SEC14L4: variants seen among roughly 807,000 people sequenced by gnomAD.
SEC14L4 encodes the protein SEC14 like lipid binding 4.
Under a neutral mutation model 55.1 loss-of-function variants are expected in SEC14L4, and 42 were observed. That is an observed-to-expected ratio of 0.76 (90% CI 0.60 to 0.99). SEC14L4 has a LOEUF of 0.99. SEC14L4 is among the 50% of genes least tolerant of loss of function. The pLI, the probability that SEC14L4 is intolerant of heterozygous loss-of-function variation, is 0.00. For missense variants in SEC14L4, 445 were observed against 512.1 expected (o/e 0.87, Z 1.27); for synonymous variants, 206 against 206.8 (o/e 1.00, Z 0.03).
At chr22:30,495,841 G>A in intron 3 of SEC14L4, 87 bp downstream of exon 3, 2 of 1,590,304 alleles carry the variant, frequency 1.3e-6, no homozygotes, top group East Asian at 2.2e-5. Context: ...AGGAGAATGG[G>A]ACAGGGCCAG....
chr22:30,495,172 G>C (rs576915578), intron 5 of SEC14L4, 82 bp downstream of exon 5: 5 of 1,340,416 alleles, frequency 3.7e-6, no homozygotes, highest in African/African-American at 1.5e-5. Context: ...CTGAGGGCTG[G>C]GGAGGGGCAG....
rs1390952972 is a variant in SEC14L4 at position 30,489,330 on chromosome 22, C to T, written c.*777G>A. 6.1e-6 allele frequency: 1 copy of T among 163,684 alleles called. No individual in the cohort carries two copies. Among genetic ancestry groups the T allele is most frequent in the Non-Finnish European group, 1.3e-5 (1 of 74,604 alleles). The allele number at this position is 163,684 out of a possible 1,614,324, so 10.1% of individuals were successfully genotyped here. On this transcript the variant is annotated 3_prime_UTR_variant, in exon 12 of 12. Transcript: ENST00000255858. ...TCTCAGCTCACTACAACCTCCGCCTCCTGGGTACAAGCGATTCTCCTGCCT... is the reference window on the plus strand; with the variant it reads ...TCTCAGCTCACTACAACCTCCGCCTTCTGGGTACAAGCGATTCTCCTGCCT...
At chr22:30,495,536 G>A (rs763933884) in intron 4 of SEC14L4, 47 bp downstream of exon 4, 1 of 1,611,350 alleles carries the variant, frequency 6.2e-7, no homozygotes, top group East Asian at 2.2e-5. Flanking sequence ...GGAGATGTCA[G>A]GGGTGAGGGG....
At position 30,505,653 on chromosome 22, in the gene SEC14L4, C is replaced by A; in HGVS notation, c.-42G>T. 6.6e-7 allele frequency: 1 copy of A among 1,505,156 alleles called. No individual in the cohort carries two copies. Among genetic ancestry groups the A allele is most frequent in the Non-Finnish European group, 8.9e-7 (1 of 1,128,076 alleles). 93.2% of individuals were successfully genotyped at this position (1,505,156 alleles called of 1,614,324 possible). On this transcript the variant is annotated 5_prime_UTR_variant, in exon 1 of 12. Transcript: ENST00000255858. ...GAAAGGCTCAGGGCGCAGGTCCGCC[C>A]GCCCGCCGCCGCCTGGCCTTGTATC...
intron 2 of SEC14L4, among the ~76,000 whole-genome samples, chr22:30,499,403 C>T (rs920954756): frequency 6.6e-6 from 1 of 151,172 alleles, no homozygotes. Context: ...TTCTTTATAT[C>T]TACATTCATA....
chr22:30,491,917 C>A lies in SEC14L4; in HGVS notation c.828G>T (p.Leu276=), dbSNP rs1416872665. The A allele has an allele frequency of 6.2e-7, 1 of 1,613,944 alleles. No homozygotes were observed. The highest frequency in any genetic ancestry group is 8.5e-7 in the Non-Finnish European group (1 of 1,180,014). The change falls in exon 10 of 12, where the codon CTG becomes CTT. Residue 276 remains leucine, a synonymous_variant. Coordinates refer to ENST00000255858, the MANE Select transcript of SEC14L4 (RefSeq NM_174977.4). ...KSYYLCEQVR[L]QYEHTRSVGR... Reference sequence around the variant, plus strand: ...CCACGGACCTCGTGTGCTCATACTGCAGCCTCACCTGCTCGCACAGGTAGT... The same window carrying A: ...CCACGGACCTCGTGTGCTCATACTGAAGCCTCACCTGCTCGCACAGGTAGT...
intron 8 of SEC14L4, 74 bp downstream of exon 8, chr22:30,492,400 G>A: frequency 7.1e-7 from 1 of 1,399,246 alleles, no homozygotes; most frequent in South Asian, 1.2e-5. Context: ...GACGAGCCAG[G>A]GAGAAGCAGG....
At chr22:30,494,259 G>A (rs937032249) in intron 6 of SEC14L4, 49 bp from the exon 7 acceptor site, 33 of 1,470,022 alleles carry the variant, frequency 2.2e-5, no homozygotes, top group Admixed American at 6.7e-5. Flanking sequence ...ATCACCTCCC[G>A]CCCATGGGTT....
At chr22:30,500,626 A>G (rs1936288360) in intron 2 of SEC14L4, among the ~76,000 whole-genome samples, 1 of 151,942 alleles carries the variant, frequency 6.6e-6, no homozygotes, top group Non-Finnish European at 1.5e-5. Context: ...TCAGCCTCCC[A>G]AAGTGCCAGG....
At position 30,495,325 on chromosome 22, in the gene SEC14L4, G is replaced by A. The variant is rs1289036557; in HGVS notation, c.352C>T (p.Gln118Ter). 11 of 1,614,040 alleles carry A rather than the reference G, an allele frequency of 6.8e-6. No homozygotes were observed. The highest frequency in any genetic ancestry group is 2.5e-6 in the Non-Finnish European group (3 of 1,180,014). ...PKGLLLSASKQDMIRKRIKVC... is the reference protein window; with the variant it reads ...PKGLLLSASK Reference sequence around the variant, plus strand: ...TTGATGCGCTTCCGGATCATATCCTGCTTGGAGGCTGACAGCAGGAGACCC... The same window carrying A: ...TTGATGCGCTTCCGGATCATATCCTACTTGGAGGCTGACAGCAGGAGACCC... Residue 118 changes from glutamine to a stop codon, truncating the protein, a stop_gained, in exon 5 of 12, where the codon CAG (glutamine) becomes TAG (stop). Transcript: ENST00000255858. LOFTEE classifies it high-confidence loss of function.
At chr22:30,492,648 G>A in intron 7 of SEC14L4, 91 bp from the exon 8 acceptor site, 3 of 946,424 alleles carry the variant, frequency 3.2e-6, no homozygotes, top group Non-Finnish European at 5.1e-6. Flanking sequence ...GACAGGAGGT[G>A]GACAGATATG....
chr22:30,505,463 G>T, intron 1 of SEC14L4, 95 bp downstream of exon 1: 1 of 1,288,772 alleles, frequency 7.8e-7, no homozygotes, highest in Non-Finnish European at 1.1e-6. Flanking sequence ...CAGGCTCGGT[G>T]TTCCAGTCTG....
intron 1 of SEC14L4, among the ~76,000 whole-genome samples, chr22:30,504,222 T>A (rs1276304523): frequency 6.6e-6 from 1 of 151,900 alleles, no homozygotes; most frequent in Non-Finnish European, 1.5e-5. Flanking sequence ...GCCCAGCTAA[T>A]TTTTGTACTT....
chr22:30,503,116 C>T (rs761813670), intron 2 of SEC14L4, among the ~76,000 whole-genome samples: 23 of 152,222 alleles, frequency 1.5e-4, no homozygotes, highest in Non-Finnish European at 3.2e-4. Flanking sequence ...ACTGTAACCT[C>T]ACCTGGACTC....
At position 30,490,224 on chromosome 22, in the gene SEC14L4, G is replaced by T; in HGVS notation, c.1104C>A (p.Thr368=). The change falls in exon 12 of 12, where the codon ACC becomes ACA. Residue 368 remains threonine, a synonymous_variant. Transcript: ENST00000255858. ...GCTTCTTGGCATGCATCCGGCTGTA[G>T]GTGTTGTCGAAGCGCAGGACATCTG... ...AGVYVLRFDN[T]YSRMHAKKLS... The T allele has an allele frequency of 6.2e-7, 1 of 1,613,908 alleles. No homozygotes were observed. Among genetic ancestry groups the T allele is most frequent in the Non-Finnish European group, 8.5e-7 (1 of 1,180,040 alleles).
In SEC14L4 at chr22:30,495,593, T is replaced by C. The variant is rs1936122137; in HGVS notation, c.224A>G (p.Gln75Arg). 3.1e-6 allele frequency: 5 copies of C among 1,613,882 alleles called. No individual in the cohort carries two copies. Among genetic ancestry groups the C allele is most frequent in the African/African-American group, 1.3e-5 (1 of 74,920 alleles). ...QQDLDNIVTW[Q>R]PPEVIQLYDS... ...CTGCTCGAGGCTCACCTCAGGGGGC[T>C]GCCATGTGACAATGTTGTCCAGGTC... The change falls in exon 4 of 12, where the codon CAG (glutamine) becomes CGG (arginine). Residue 75 changes from glutamine (Q) to arginine (R), a missense_variant. Physicochemically the swap from Gln to Arg is conservative, Grantham distance 43. Coordinates refer to ENST00000255858, the MANE Select transcript of SEC14L4 (RefSeq NM_174977.4).
At chr22:30,503,268 GTT>G (rs746866054) in intron 2 of SEC14L4, among the ~76,000 whole-genome samples, 5 of 144,740 alleles carry the variant, frequency 3.5e-5, no homozygotes, top group African/African-American at 7.6e-5. Context: ...TTGTTTTTTT[GTT>G]TTTTTTTTTT....
intron 2 of SEC14L4, among the ~76,000 whole-genome samples, chr22:30,500,864 T>G (rs1033518814): frequency 3.7e-5 from 5 of 135,396 alleles, no homozygotes; most frequent in South Asian, 2.4e-4. Flanking sequence ...CAGATGAAAC[T>G]AATGGAACCG....
intron 11 of SEC14L4, 109 bp downstream of exon 11, chr22:30,491,464 C>T (rs1935948507): frequency 9.7e-6 from 13 of 1,336,308 alleles, no homozygotes; most frequent in Admixed American, 7.6e-5. Flanking sequence ...AAAGCTGGCT[C>T]CCCTGGAGCT....
Sources: gnomAD v4.1 joint callset for allele counts (sites outside exome capture counted in the v4.1 genomes callset) on GRCh38, gnomAD v4.1.1 for gene constraint, MANE v1.5 for transcripts, NCBI Gene and HGNC (gene_info 2026-07-23, HGNC 2026-07-21) for gene names.